RTN4IP1: variants seen among roughly 807,000 people sequenced by gnomAD.
RTN4IP1 encodes NAD(P)H oxidoreductase RTN4IP1, mitochondrial.
A neutral mutation model predicts 46.6 loss-of-function variants in RTN4IP1; 32 were observed. The ratio of observed to expected loss-of-function variants is 0.69; its 90% CI spans 0.52 to 0.92. RTN4IP1 has a LOEUF of 0.92. RTN4IP1 is among the 40% of genes least tolerant of loss of function. The probability of loss-of-function intolerance (pLI) is 0.00; values close to 1 mark genes in which losing one functional copy is unlikely to be tolerated. For missense variants in RTN4IP1, 424 were observed against 485.8 expected, an observed-to-expected ratio of 0.87 and a Z score of 1.20; for synonymous variants, 167 against 161.8, an observed-to-expected ratio of 1.03 and a Z score of -0.24.
At chr6:106,590,642 A>G (rs1054036130) in intron 6 of RTN4IP1, among the ~76,000 whole-genome samples, 5 of 142,524 alleles carry the variant, frequency 3.5e-5, no homozygotes, top group Admixed American at 2.2e-4. Flanking sequence ...TTGAAACCGG[A>G]AGGCAGAGGT....
At chr6:106,609,169 C>T (rs1015135621) in intron 4 of RTN4IP1, among the ~76,000 whole-genome samples, 6 of 152,266 alleles carry the variant, frequency 3.9e-5, no homozygotes, top group Non-Finnish European at 7.3e-5. Context: ...ACTTATTCTG[C>T]AAGCTCTTAA....
chr6:106,626,983 C>G (rs76200314), intron 1 of RTN4IP1, among the ~76,000 whole-genome samples: 60 of 151,790 alleles, frequency 4.0e-4, no homozygotes, highest in African/African-American at 1.4e-3. Context: ...AAACAGCCAG[C>G]CTTCATCTTT....
At position 106,622,792 on chromosome 6, in the gene RTN4IP1, A is replaced by G. The variant is rs767069080; in HGVS notation, c.426+26T>C. 6.9e-6 allele frequency: 11 copies of G among 1,601,458 alleles called. 1 individual carries two copies. Among genetic ancestry groups the G allele is most frequent in the South Asian group, 1.1e-5 (1 of 89,728 alleles). On this transcript the variant is annotated intron_variant, in intron 2 of 8. Coordinates refer to ENST00000369063, the MANE Select transcript of RTN4IP1 (RefSeq NM_032730.5). Reference sequence around the variant, plus strand: ...CAGGGTCTGTGGGTTGGATCCCCGCAGGAATAGTGGCATTCCCTAACTCAC... The same window carrying G: ...CAGGGTCTGTGGGTTGGATCCCCGCGGGAATAGTGGCATTCCCTAACTCAC...
At chr6:106,625,660 T>TC (rs1312853515) in intron 1 of RTN4IP1, among the ~76,000 whole-genome samples, 7 of 139,820 alleles carry the variant, frequency 5.0e-5, no homozygotes, top group Admixed American at 2.2e-4. Context: ...TTCTTTTTTT[T>TC]CTTTTTTTTT....
At chr6:106,575,746 T>C (rs1775211426) in intron 8 of RTN4IP1, among the ~76,000 whole-genome samples, 1 of 152,130 alleles carries the variant, frequency 6.6e-6, no homozygotes, top group East Asian at 1.9e-4. Context: ...GTGCAAATGA[T>C]TGAGTGGTAA....
chr6:106,607,971 C>T (rs1162832600), intron 4 of RTN4IP1, among the ~76,000 whole-genome samples: 1 of 152,174 alleles, frequency 6.6e-6, no homozygotes, highest in Non-Finnish European at 1.5e-5. Flanking sequence ...AGCAATCCTA[C>T]TACTGAGTAT....
intron 5 of RTN4IP1, among the ~76,000 whole-genome samples, chr6:106,596,749 ATTATC>A (rs929554966): frequency 6.6e-6 from 1 of 152,174 alleles, no homozygotes; most frequent in Non-Finnish European, 1.5e-5. Flanking sequence ...TCAGAAGCTC[ATTATC>A]TAGTAGATTC....
Position 106,583,397 on chromosome 6 carries a change from A to G in RTN4IP1, c.1014T>C (p.Tyr338=), listed in dbSNP as rs201160297. ...CACTGGCCATGAAAAATGCCCAGCG[A>G]TAATGGACTCCTTTCCAGAAATGCT... ...ALKHFWKGVH[Y]RWAFFMASGP... Residue 338 remains tyrosine, a synonymous_variant, in exon 8 of 9, where the codon TAT becomes TAC. Transcript: ENST00000369063. The G allele has an allele frequency of 6.2e-7, 1 of 1,613,352 alleles. No individual in the cohort carries two copies. Among genetic ancestry groups the G allele is most frequent in the Non-Finnish European group, 8.5e-7 (1 of 1,179,472 alleles).
At chr6:106,582,700 C>A (rs1019067594) in intron 8 of RTN4IP1, among the ~76,000 whole-genome samples, 5 of 152,054 alleles carry the variant, frequency 3.3e-5, no homozygotes, top group Non-Finnish European at 5.9e-5. Flanking sequence ...TGTAAAAACC[C>A]AAATAAGCAG....
At chr6:106,609,612 C>T (rs1776173505) in intron 4 of RTN4IP1, among the ~76,000 whole-genome samples, 1 of 152,170 alleles carries the variant, frequency 6.6e-6, no homozygotes, top group Non-Finnish European at 1.5e-5. Flanking sequence ...GATCGCCTGG[C>T]TACTTGAAAG....
chr6:106,589,226 A>G (rs1365574519), intron 6 of RTN4IP1, among the ~76,000 whole-genome samples: 3 of 890 alleles, frequency 3.4e-3, no homozygotes, highest in South Asian at 0.031. Flanking sequence ...AGGAGGAGGG[A>G]GGAGGAGGGA....
At chr6:106,573,073 GA>G (rs34539657) in intron 8 of RTN4IP1, among the ~76,000 whole-genome samples, 1 of 152,236 alleles carries the variant, frequency 6.6e-6, no homozygotes, top group African/African-American at 2.4e-5. Flanking sequence ...CAATTTACAA[GA>G]AAGTCATTCC....
Position 106,571,902 on chromosome 6 carries a change from G to C in RTN4IP1, c.*94C>G. ...TATCATGGAATGTATAATCTAATCT[G>C]GAAAAATGTTTGAAAGGGATGGCTA... On this transcript the variant is annotated 3_prime_UTR_variant, in exon 9 of 9. Transcript: ENST00000369063. 2.6e-6 allele frequency: 2 copies of C among 763,082 alleles called. No individual in the cohort carries two copies. The highest frequency in any genetic ancestry group is 3.1e-5 in the South Asian group (2 of 64,014). The allele number at this position is 763,082 out of a possible 1,614,324, so 47.3% of individuals were successfully genotyped here.
At chr6:106,576,003 C>T (rs760650064) in intron 8 of RTN4IP1, among the ~76,000 whole-genome samples, 3 of 152,210 alleles carry the variant, frequency 2.0e-5, no homozygotes, top group Non-Finnish European at 4.4e-5. Context: ...TCCAAATCCA[C>T]ACACCTGTGG....
At chr6:106,604,945 T>C (rs1776027002) in intron 4 of RTN4IP1, among the ~76,000 whole-genome samples, 1 of 152,096 alleles carries the variant, frequency 6.6e-6, no homozygotes, top group Non-Finnish European at 1.5e-5. Flanking sequence ...CTGCCATGCA[T>C]GCAGTGCAGA....
intron 4 of RTN4IP1, among the ~76,000 whole-genome samples, chr6:106,616,734 A>AT (rs1443552812): frequency 6.6e-6 from 1 of 152,218 alleles, no homozygotes; most frequent in African/African-American, 2.4e-5. Context: ...CATTAAAAGT[A>AT]TTTTTACAGT....
At position 106,571,954 on chromosome 6, in the gene RTN4IP1, C is replaced by A; in HGVS notation, c.*42G>T. 2 of 1,495,522 alleles carry A rather than the reference C, an allele frequency of 1.3e-6. No homozygotes were observed. The highest frequency in any genetic ancestry group is 1.9e-6 in the Non-Finnish European group (2 of 1,074,868). 92.6% of individuals were successfully genotyped at this position (1,495,522 alleles called of 1,614,324 possible). On this transcript the variant is annotated 3_prime_UTR_variant, in exon 9 of 9. Transcript: ENST00000369063. ...AAAAAAATTTGGGCTCACAGGCACTCACCAAATAAGAACGTCAACAATCAC... is the reference window on the plus strand; with the variant it reads ...AAAAAAATTTGGGCTCACAGGCACTAACCAAATAAGAACGTCAACAATCAC...
intron 5 of RTN4IP1, among the ~76,000 whole-genome samples, chr6:106,595,247 C>T (rs1295551803): frequency 6.6e-6 from 1 of 152,214 alleles, no homozygotes; most frequent in Non-Finnish European, 1.5e-5. Flanking sequence ...TTCCACACGT[C>T]GCTCTGTCCT....
intron 2 of RTN4IP1, 115 bp from the exon 3 acceptor site, chr6:106,621,608 G>T: frequency 2.7e-6 from 2 of 743,688 alleles, no homozygotes; most frequent in African/African-American, 1.7e-5. Flanking sequence ...ACAGAAGTCA[G>T]CACTACACCA....
Sources: gnomAD v4.1 joint callset for allele counts (sites outside exome capture counted in the v4.1 genomes callset) on GRCh38, gnomAD v4.1.1 for gene constraint, MANE v1.5 for transcripts, NCBI Gene and HGNC (gene_info 2026-07-23, HGNC 2026-07-21) for gene names.